ZFPL1: variants seen among roughly 807,000 people sequenced by gnomAD.
ZFPL1 encodes the protein zinc finger protein like 1, also known as zinc finger protein-like 1.
A neutral mutation model predicts 32.0 loss-of-function variants in ZFPL1; 28 were observed. That is an observed-to-expected ratio of 0.87 (90% confidence interval 0.65 to 1.20). ZFPL1 has a LOEUF of 1.20. Ranked by LOEUF, ZFPL1 falls within the 50% of genes most tolerant of loss-of-function variation. The probability of loss-of-function intolerance (pLI) is 0.00; values close to 1 mark genes in which losing one functional copy is unlikely to be tolerated. For missense variants in ZFPL1, 386 were observed against 424.8 expected, an observed-to-expected ratio of 0.91 and a Z score of 0.80; for synonymous variants, 165 against 177.0, an observed-to-expected ratio of 0.93 and a Z score of 0.54.
intron 6 of ZFPL1, 88 bp downstream of exon 6, chr11:65,087,162 C>A: frequency 6.4e-7 from 1 of 1,562,724 alleles, no homozygotes. Flanking sequence ...CAGAGACCCA[C>A]CCGGAGGAAC....
Position 65,087,426 on chromosome 11 carries a change from C to G in ZFPL1, c.739C>G (p.Leu247Val), listed in dbSNP as rs775953124. The G allele has an allele frequency of 8.1e-6, 13 of 1,613,990 alleles. No homozygotes were observed. Among genetic ancestry groups the G allele is most frequent in the Non-Finnish European group, 1.0e-5 (12 of 1,179,962 alleles). ...RRPALGWLAR[L>V]LRSRAGSRKR... ...GCCGGCCTTGGGTTGGCTGGCCCGG[C>G]TGCTAAGGTACACAGGGTCAGGCAG... The change falls in exon 7 of 8, where the codon CTG becomes GTG. Residue 247 changes from leucine to valine, a missense_variant. Transcript: ENST00000294258.
intron 1 of ZFPL1, 22 bp from the exon 2 acceptor site, chr11:65,084,669 C>A: frequency 6.2e-7 from 1 of 1,610,484 alleles, no homozygotes; most frequent in Non-Finnish European, 8.5e-7. Context: ...TGACTTCCTA[C>A]CAACTCATGC....
chr11:65,084,857 C>T, intron 2 of ZFPL1, 57 bp downstream of exon 2: 1 of 1,595,474 alleles, frequency 6.3e-7, no homozygotes. Flanking sequence ...GCGGTATTGG[C>T]TTCCTCCAAA....
chr11:65,085,498 C>T (rs2137163942), intron 3 of ZFPL1: 2 of 503,446 alleles, frequency 4.0e-6, no homozygotes, highest in Middle Eastern at 5.5e-4. Context: ...GAGAACCAGT[C>T]AAGCTTACGG....
At chr11:65,085,819 T>C (rs1947672528) in intron 3 of ZFPL1, 1 of 197,062 alleles carries the variant, frequency 5.1e-6, no homozygotes, top group Non-Finnish European at 1.1e-5. Context: ...TGTTGATCTG[T>C]ACTTGGGGTG....
intron 3 of ZFPL1, 180 bp from the exon 4 acceptor site, chr11:65,086,234 TG>T: frequency 1.2e-6 from 1 of 850,954 alleles, no homozygotes; most frequent in Non-Finnish European, 1.9e-6. Context: ...AGCACCTGCC[TG>T]GACTTAGATG....
Position 65,084,284 on chromosome 11 carries a change from C to T in ZFPL1, c.-103C>T, listed in dbSNP as rs1387818806. 1.8e-6 allele frequency: 1 copy of T among 550,012 alleles called. No homozygotes were observed. Among genetic ancestry groups the T allele is most frequent in the African/African-American group, 1.9e-5 (1 of 52,140 alleles). The allele number at this position is 550,012 out of a possible 1,614,324, so 34.1% of individuals were successfully genotyped here. ...GGCTGAAGGGAGAGGCGCAGGAGCC[C>T]TGGGGAGAGTGGTCCCTGCCCTTCC... On this transcript the variant is annotated 5_prime_UTR_variant, in exon 1 of 8. Coordinates refer to ENST00000294258, the MANE Select transcript of ZFPL1 (RefSeq NM_006782.4).
rs536589552 is a variant in ZFPL1, at chr11:65,084,281, G to A, written c.-106G>A. ...CGGGGCTGAAGGGAGAGGCGCAGGAGCCCTGGGGAGAGTGGTCCCTGCCCT... is the reference window on the plus strand; with the variant it reads ...CGGGGCTGAAGGGAGAGGCGCAGGAACCCTGGGGAGAGTGGTCCCTGCCCT... On this transcript the variant is annotated 5_prime_UTR_variant, in exon 1 of 8. Transcript: ENST00000294258. 5.4e-6 allele frequency: 3 copies of A among 552,792 alleles called. No individual in the cohort carries two copies. Among genetic ancestry groups the A allele is most frequent in the Admixed American group, 6.8e-5 (2 of 29,358 alleles). The allele number at this position is 552,792 out of a possible 1,614,324, so 34.2% of individuals were successfully genotyped here. A position where few individuals can be genotyped will look rare whatever the true frequency, so the allele number is the denominator to read the frequency against.
In ZFPL1 at chr11:65,084,816, G is replaced by A; in HGVS notation, c.102+16G>A. On this transcript the variant is annotated intron_variant, in intron 2 of 7. Transcript: ENST00000294258. ...TCACGCCAAGGTGGGGCCTTCAGGG[G>A]AGCGACTGAGCAGGGCACTGGGTGG... 1 of 1,613,774 alleles carries A rather than the reference G, an allele frequency of 6.2e-7. No individual in the cohort carries two copies. Among genetic ancestry groups the A allele is most frequent in the Non-Finnish European group, 8.5e-7 (1 of 1,179,946 alleles).
At chr11:65,087,223 C>A in intron 6 of ZFPL1, 93 bp from the exon 7 acceptor site, 1 of 1,555,726 alleles carries the variant, frequency 6.4e-7, no homozygotes, top group Non-Finnish European at 8.8e-7. Flanking sequence ...CTGAGATGTT[C>A]TGTCAGACTG....
Position 65,088,168 on chromosome 11 carries a change from G to A in ZFPL1, c.*54G>A. The A allele has an allele frequency of 1.3e-6, 2 of 1,569,560 alleles. No individual in the cohort carries two copies. The highest frequency in any genetic ancestry group is 1.7e-6 in the Non-Finnish European group (2 of 1,164,412). ...AGGATGTGGGTTCTGTGGAGGAGAG[G>A]CGGGGTAATGGGGAGGCTGAGGGCA... On this transcript the variant is annotated 3_prime_UTR_variant, in exon 8 of 8. Coordinates refer to ENST00000294258, the MANE Select transcript of ZFPL1 (RefSeq NM_006782.4).
intron 3 of ZFPL1, 93 bp from the exon 4 acceptor site, chr11:65,086,322 A>T (rs1481508094): frequency 1.4e-6 from 2 of 1,469,550 alleles, no homozygotes; most frequent in Non-Finnish European, 1.9e-6. Flanking sequence ...ATGTGTCCAT[A>T]TGTCCTGCAA....
chr11:65,086,602 C>T lies in ZFPL1; in HGVS notation c.402C>T (p.Leu134=), dbSNP rs140383986. ...TVNWARAGLG[L]PLIDEVVSPE... Reference sequence around the variant, plus strand: ...ACTGGGCCCGGGCAGGACTGGGCCTCCCTCTGGTGAGAGTCCCTCGTCTGT... The same window carrying T: ...ACTGGGCCCGGGCAGGACTGGGCCTTCCTCTGGTGAGAGTCCCTCGTCTGT... Residue 134 remains leucine (L), a synonymous_variant, in exon 4 of 8, where the codon CTC becomes CTT. Coordinates refer to ENST00000294258, the MANE Select transcript of ZFPL1 (RefSeq NM_006782.4). The T allele has an allele frequency of 1.2e-6, 2 of 1,613,866 alleles. No individual in the cohort carries two copies. Among genetic ancestry groups the T allele is most frequent in the Non-Finnish European group, 1.7e-6 (2 of 1,179,810 alleles).
chr11:65,084,650 A>G (rs746565208), intron 1 of ZFPL1, 41 bp from the exon 2 acceptor site: 4 of 1,583,498 alleles, frequency 2.5e-6, no homozygotes, highest in Non-Finnish European at 3.5e-6. Context: ...AGTGGTGGCC[A>G]CCAGAACCTG....
chr11:65,084,572 C>T (rs571843959), intron 1 of ZFPL1, 119 bp from the exon 2 acceptor site: 62 of 808,998 alleles, frequency 7.7e-5, no homozygotes, highest in South Asian at 6.2e-4. Context: ...GGGCAGGAAT[C>T]TGAGATCGGG....
chr11:65,084,637 C>G lies in ZFPL1; in HGVS notation c.-8-54C>G. 3 of 1,475,024 alleles carry G rather than the reference C, an allele frequency of 2.0e-6. No homozygotes were observed. In the South Asian group the frequency reaches 3.4e-5, roughly 17 times the overall value. The allele number at this position is 1,475,024 out of a possible 1,614,324, so 91.4% of individuals were successfully genotyped here. A position where few individuals can be genotyped will look rare whatever the true frequency, so the allele number is the denominator to read the frequency against. The stretch of plus-strand genomic sequence containing the variant: ...AGAGTGGAAACTGGGCTGGTGAGAG[C>G]GTAGTGGTGGCCACCAGAACCTGAC... On this transcript the variant is annotated intron_variant, in intron 1 of 7. Transcript: ENST00000294258.
At chr11:65,085,248 G>A (rs1947664406) in intron 3 of ZFPL1, 22 bp downstream of exon 3, 2 of 1,609,878 alleles carry the variant, frequency 1.2e-6, no homozygotes, top group African/African-American at 1.3e-5. Context: ...GCACCTCGGG[G>A]GGATCAGGCC....
Position 65,088,151 on chromosome 11 carries a change from G to C in ZFPL1, c.*37G>C, listed in dbSNP as rs760517787. 3 of 1,583,488 alleles carry C rather than the reference G, an allele frequency of 1.9e-6. No individual in the cohort carries two copies. Among genetic ancestry groups the C allele is most frequent in the African/African-American group, 2.7e-5 (2 of 73,462 alleles). On this transcript the variant is annotated 3_prime_UTR_variant, in exon 8 of 8. Coordinates refer to ENST00000294258, the MANE Select transcript of ZFPL1 (RefSeq NM_006782.4). ...TGTGGCTAGGCCAGCCTAGGATGTG[G>C]GTTCTGTGGAGGAGAGGCGGGGTAA... is the stretch of plus-strand genomic sequence containing the variant.
intron 3 of ZFPL1, 183 bp from the exon 4 acceptor site, chr11:65,086,232 C>A: frequency 1.2e-6 from 1 of 835,376 alleles, no homozygotes; most frequent in Non-Finnish European, 1.9e-6. Flanking sequence ...GTAGCACCTG[C>A]CTGGACTTAG....
Sources: allele counts gnomAD v4.1 joint callset, GRCh38; gene constraint gnomAD v4.1.1; transcripts MANE v1.5; gene names NCBI Gene and HGNC (gene_info 2026-07-23, HGNC 2026-07-21).